The following SNORC variants were observed in gnomAD, a reference collection of about 807,000 sequenced individuals.
SNORC encodes secondary ossification center associated regulator of chondrocyte maturation.
Under a neutral mutation model 9.7 loss-of-function variants are expected in SNORC, and 11 were observed. The observed-to-expected ratio is 1.14, with a 90% CI of 0.72 to 1.88. SNORC has a LOEUF of 1.88. Ranked by LOEUF, SNORC falls within the 40% of genes most tolerant of loss-of-function variation. The probability of loss-of-function intolerance (pLI) is 0.00; values close to 1 mark genes in which losing one functional copy is unlikely to be tolerated. For missense variants in SNORC, 197 were observed against 173.1 expected (o/e 1.14, Z -0.77); for synonymous variants, 108 against 88.7 (o/e 1.22, Z -1.22).
chr2:232,869,559 A>G (rs1690947582), upstream of SNORC: 1 of 152,352 alleles, frequency 6.6e-6, no homozygotes, highest in Admixed American at 6.5e-5. Flanking sequence ...TGCTTTGGAC[A>G]CTGTAAGTTG....
upstream of SNORC, among the ~76,000 whole-genome samples, chr2:232,867,884 G>A (rs1690907713): frequency 6.6e-6 from 1 of 152,192 alleles, no homozygotes; most frequent in Admixed American, 6.5e-5. Context: ...TCTGGTCCAC[G>A]ACTGCCTAAA....
At chr2:232,875,693 G>A in intron 1 of SNORC, 1 of 560,052 alleles carries the variant, frequency 1.8e-6, no homozygotes, top group East Asian at 3.2e-5. Flanking sequence ...GCAGAGAAGG[G>A]CTTTGTGGGG....
At chr2:232,874,766 G>A (rs1268528573) in intron 1 of SNORC, among the ~76,000 whole-genome samples, 2 of 152,212 alleles carry the variant, frequency 1.3e-5, no homozygotes, top group Admixed American at 6.5e-5. Context: ...CCGGCTGGCC[G>A]GCAGGGTCTG....
downstream of SNORC, chr2:232,876,574 CGTGCGT>C (rs1236313044): frequency 1.5e-5 from 17 of 1,153,002 alleles, no homozygotes; most frequent in Non-Finnish European, 1.1e-6. The surrounding 1 kb of genome is among the most constrained non-coding windows in gnomAD (Gnocchi z 6.8). Flanking sequence ...GGCGCCGGGG[CGTGCGT>C]GAGCGCACAG....
intron 1 of SNORC, among the ~76,000 whole-genome samples, chr2:232,872,406 C>T (rs1025925678): frequency 2.0e-5 from 3 of 152,194 alleles, no homozygotes; most frequent in African/African-American, 7.2e-5. Flanking sequence ...GGCCTCAGGG[C>T]CCTGTGGTCA....
chr2:232,876,514 G>T (rs1691253373), downstream of SNORC: 9 of 1,241,194 alleles, frequency 7.3e-6, no homozygotes, highest in Non-Finnish European at 9.0e-6. This position sits in a 1 kb window ranked among gnomAD's most constrained non-coding sequence, Gnocchi z 6.8. Flanking sequence ...GCCGAGGGTG[G>T]GTGCCGTGCA....
At chr2:232,877,359 T>TA (rs752234100), downstream of SNORC, 154 of 985,374 alleles carry the variant, frequency 1.6e-4, no homozygotes, top group South Asian at 1.2e-3. Context: ...TTTAGAGATG[T>TA]AAACTTTGAT....
intron 1 of SNORC, 117 bp downstream of exon 1, chr2:232,870,531 G>C (rs1042715887): frequency 1.0e-6 from 1 of 1,003,028 alleles, no homozygotes; most frequent in Admixed American, 2.2e-5. Context: ...GAGATGGGAT[G>C]ACTATTTGGG....
chr2:232,876,453 C>T (rs1691248483), downstream of SNORC: 2 of 1,392,826 alleles, frequency 1.4e-6, no homozygotes, highest in South Asian at 1.6e-5. This position sits in a 1 kb window ranked among gnomAD's most constrained non-coding sequence, Gnocchi z 6.8. Flanking sequence ...TGCAGGTGTG[C>T]CAGAGCGTGA....
downstream of SNORC, chr2:232,877,147 G>C: frequency 7.1e-6 from 7 of 985,714 alleles, no homozygotes; most frequent in Non-Finnish European, 7.2e-6. Flanking sequence ...GATGAGTCGA[G>C]AGTCGACGCC....
intron 1 of SNORC, among the ~76,000 whole-genome samples, chr2:232,875,065 C>T (rs1044955548): frequency 4.6e-5 from 7 of 152,174 alleles, no homozygotes; most frequent in Non-Finnish European, 8.8e-5. Flanking sequence ...TGGGGCCGGC[C>T]GCAGTGGCTC....
downstream of SNORC, chr2:232,876,799 GCCACGGGCGGCCCCTTCTC>G (rs1206005492): frequency 1.0e-6 from 1 of 985,214 alleles, no homozygotes; most frequent in Non-Finnish European, 1.2e-6. The surrounding 1 kb of genome is among the most constrained non-coding windows in gnomAD (Gnocchi z 6.8). Context: ...TCAGGGCCAC[GCCACGGGCGGCCCCTTCTC>G]CCGGCGCCGC....
At chr2:232,869,537 A>G (rs545292763), upstream of SNORC, 1 of 152,492 alleles carries the variant, frequency 6.6e-6, no homozygotes, top group East Asian at 1.9e-4. Flanking sequence ...AAGGGGCAGT[A>G]GAGTCAAGGT....
chr2:232,870,396 G>A, exon 1 of SNORC: 1 of 1,571,360 alleles, frequency 6.4e-7, no homozygotes, highest in Non-Finnish European at 8.6e-7. Flanking sequence ...CGGGGTTCTG[G>A]CCCCTGCGGT....
downstream of SNORC, chr2:232,876,664 C>T (rs1438757990): frequency 3.0e-5 from 30 of 1,010,146 alleles, no homozygotes; most frequent in Non-Finnish European, 3.4e-5. This position sits in a 1 kb window ranked among gnomAD's most constrained non-coding sequence, Gnocchi z 6.8. Context: ...TCCCCGTGCA[C>T]CACGGCTGGA....
chr2:232,871,794 C>T (rs773742986), intron 1 of SNORC, among the ~76,000 whole-genome samples: 4 of 152,196 alleles, frequency 2.6e-5, no homozygotes, highest in South Asian at 2.1e-4. Flanking sequence ...CCTGGTGGTC[C>T]GTGTGGGCCG....
At chr2:232,871,395 C>T (rs1000984549) in intron 1 of SNORC, among the ~76,000 whole-genome samples, 5 of 152,176 alleles carry the variant, frequency 3.3e-5, no homozygotes, top group Admixed American at 6.5e-5. Flanking sequence ...CTTGACCGGG[C>T]GGTTTCTTAA....
chr2:232,869,538 G>A (rs1690947116), upstream of SNORC: 1 of 152,386 alleles, frequency 6.6e-6, no homozygotes. Context: ...AGGGGCAGTA[G>A]AGTCAAGGTT....
chr2:232,870,729 C>A (rs1299846902), intron 1 of SNORC, among the ~76,000 whole-genome samples: 1 of 152,084 alleles, frequency 6.6e-6, no homozygotes, highest in Non-Finnish European at 1.5e-5. Context: ...TCTGAAGTCT[C>A]CCAGGTCTGG....
Sources: allele counts gnomAD v4.1 joint callset (sites outside exome capture counted in the v4.1 genomes callset), GRCh38; gene constraint gnomAD v4.1.1; non-coding constraint Gnocchi (gnomAD v3.1); transcripts MANE v1.5; gene names NCBI Gene and HGNC (gene_info 2026-07-23, HGNC 2026-07-21).